Variants in RHOU observed in about 807,000 individuals in gnomAD.
RHOU encodes ras homolog family member U, also known as rho-related GTP-binding protein RhoU.
Under a neutral mutation model 12.6 loss-of-function variants are expected in RHOU, and 8 were observed. The ratio of observed to expected loss-of-function variants is 0.64; its 90% CI spans 0.37 to 1.15. The LOEUF (loss-of-function observed/expected upper bound fraction) is 1.15, where lower values mean the gene tolerates loss of function less well. RHOU is among the 50% of genes most tolerant of loss of function. RHOU has a pLI of 0.01. For missense variants in RHOU, 258 were observed against 347.0 expected (o/e 0.74, Z 2.04); for synonymous variants, 161 against 147.4 (o/e 1.09, Z -0.67).
At chr1:228,720,032 G>C in the RHOU span, among the ~76,000 whole-genome samples, 1 of 152,004 alleles carries the variant, frequency 6.6e-6, no homozygotes, top group Non-Finnish European at 1.5e-5. Flanking sequence ...ATAATCATAA[G>C]AATTCCTATT....
intron 2 of RHOU, among the ~76,000 whole-genome samples, chr1:228,740,873 G>A (rs1662706583): frequency 6.6e-6 from 1 of 152,184 alleles, no homozygotes; most frequent in African/African-American, 2.4e-5. Context: ...GTTAGGGAGG[G>A]TAGGCGAGTC....
chr1:228,661,754 A>G, the RHOU span, among the ~76,000 whole-genome samples: 1 of 152,248 alleles, frequency 6.6e-6, no homozygotes, highest in Non-Finnish European at 1.5e-5. Flanking sequence ...AATACCATTC[A>G]GGACATAGGC....
Position 228,738,031 on chromosome 1 carries a change from T to G in RHOU, c.321+300T>G, listed in dbSNP as rs1662648514. Among the ~76,000 whole-genome samples, 1 of 152,184 alleles carries G rather than the reference T, an allele frequency of 6.6e-6. No individual in the cohort carries two copies. The highest frequency in any genetic ancestry group is 6.5e-5 in the Admixed American group (1 of 15,282). On this transcript the variant is annotated intron_variant, in intron 2 of 2. Transcript: ENST00000366691. This position sits in a 1 kb window ranked among gnomAD's most constrained non-coding sequence, Gnocchi z 4.2. The stretch of plus-strand genomic sequence containing the variant: ...GGAGTTTCTATTACTTACTCCCTGG[T>G]TTTTATGAAAAAATTTCAGTGATGC...
At chr1:228,685,272 G>C in the RHOU span, among the ~76,000 whole-genome samples, 2 of 152,144 alleles carry the variant, frequency 1.3e-5, no homozygotes, top group Non-Finnish European at 2.9e-5. Flanking sequence ...CTCATCCTGT[G>C]ACTTAGAATG....
At chr1:228,671,285 G>A in the RHOU span, among the ~76,000 whole-genome samples, 1 of 152,176 alleles carries the variant, frequency 6.6e-6, no homozygotes, top group African/African-American at 2.4e-5. Flanking sequence ...GATTACAGGT[G>A]TGAGCCACCA....
At chr1:228,707,758 C>T in the RHOU span, among the ~76,000 whole-genome samples, 2 of 152,170 alleles carry the variant, frequency 1.3e-5, no homozygotes, top group South Asian at 4.1e-4. Flanking sequence ...TGCCTCTCCT[C>T]CTCCAAAGGA....
the RHOU span, among the ~76,000 whole-genome samples, chr1:228,720,976 T>C: frequency 7.9e-5 from 12 of 152,204 alleles, no homozygotes; most frequent in Non-Finnish European, 1.6e-4. Flanking sequence ...TCCCTGCTCA[T>C]TTCTGGCCTC....
At chr1:228,683,799 G>C in the RHOU span, among the ~76,000 whole-genome samples, 2 of 152,232 alleles carry the variant, frequency 1.3e-5, no homozygotes, top group Non-Finnish European at 2.9e-5. Context: ...CTGTGCGGTG[G>C]GGGTGGGCAA....
intron 2 of RHOU, among the ~76,000 whole-genome samples, chr1:228,742,282 A>T (rs907435165): frequency 1.3e-5 from 2 of 152,230 alleles, no homozygotes; most frequent in Admixed American, 1.3e-4. Context: ...TAATTTGGAG[A>T]ACAACATCTG....
the RHOU span, among the ~76,000 whole-genome samples, chr1:228,710,026 A>G: frequency 6.6e-6 from 1 of 152,238 alleles, no homozygotes. Flanking sequence ...AGAATACTAC[A>G]AACACCTCTA....
the RHOU span, among the ~76,000 whole-genome samples, chr1:228,724,500 A>G: frequency 6.6e-6 from 1 of 152,098 alleles, no homozygotes; most frequent in Non-Finnish European, 1.5e-5. Flanking sequence ...TTTTTTTTGT[A>G]GAGATGGAGT....
the RHOU span, among the ~76,000 whole-genome samples, chr1:228,655,387 C>T: frequency 5.3e-5 from 8 of 152,172 alleles, no homozygotes; most frequent in Non-Finnish European, 1.2e-4. Flanking sequence ...CAGGCATAAG[C>T]CACTGCACCT....
intron 1 of RHOU, among the ~76,000 whole-genome samples, chr1:228,736,210 G>A (rs1232521675): frequency 1.3e-5 from 2 of 150,702 alleles, no homozygotes; most frequent in African/African-American, 4.9e-5. Flanking sequence ...AAAGGACCAC[G>A]GCGGAGTGGG....
At chr1:228,710,225 A>G in the RHOU span, among the ~76,000 whole-genome samples, 1 of 152,246 alleles carries the variant, frequency 6.6e-6, no homozygotes, top group East Asian at 1.9e-4. Flanking sequence ...AAATTCTACC[A>G]CAGGTACAAG....
the RHOU span, chr1:228,651,027 C>T: frequency 7.0e-6 from 2 of 285,918 alleles, no homozygotes; most frequent in African/African-American, 2.3e-5. Context: ...GCTGGGTTCT[C>T]CTGTTCACCC....
chr1:228,700,859 G>T, the RHOU span, among the ~76,000 whole-genome samples: 1 of 152,102 alleles, frequency 6.6e-6, no homozygotes, highest in Non-Finnish European at 1.5e-5. Flanking sequence ...GACCGAGGCC[G>T]GTGGATTGCT....
At position 228,743,121 on chromosome 1, in the gene RHOU, G is replaced by A. The variant is rs539604749; in HGVS notation, c.322-164G>A. On this transcript the variant is annotated intron_variant, in intron 2 of 2. Coordinates refer to ENST00000366691, the MANE Select transcript of RHOU (RefSeq NM_021205.6). The surrounding 1 kb of genome is among the most constrained non-coding windows in gnomAD (Gnocchi z 5.1). ...ACACCTTCGCTGGTGCACTGGCCCC[G>A]CTTGGGTAAACAGTAGGATCGTTTC... Among the ~76,000 whole-genome samples the A allele has an allele frequency of 2.6e-5, 4 of 152,166 alleles. No homozygotes were observed. Among genetic ancestry groups the A allele is most frequent in the South Asian group, 2.1e-4 (1 of 4,828 alleles).
chr1:228,648,989 G>A, the RHOU span, among the ~76,000 whole-genome samples: 2 of 151,932 alleles, frequency 1.3e-5, no homozygotes, highest in African/African-American at 2.4e-5. Flanking sequence ...TCAGCCTCCC[G>A]AGTACCTTGT....
At chr1:228,653,145 A>C in the RHOU span, among the ~76,000 whole-genome samples, 1 of 152,142 alleles carries the variant, frequency 6.6e-6, no homozygotes, top group Non-Finnish European at 1.5e-5. Context: ...ACCTAGCCTC[A>C]AGGGTTTGTT....
Sources: gnomAD v4.1 joint callset for allele counts (sites outside exome capture counted in the v4.1 genomes callset) on GRCh38, gnomAD v4.1.1 for gene constraint, Gnocchi (gnomAD v3.1) non-coding constraint, MANE v1.5 for transcripts, NCBI Gene and HGNC (gene_info 2026-07-23, HGNC 2026-07-21) for gene names.